The following TNFSF11 variants were observed in gnomAD, a reference collection of about 807,000 sequenced individuals.
The protein encoded by TNFSF11 is TNF superfamily member 11.
A neutral mutation model predicts 32.2 loss-of-function variants in TNFSF11; 12 were observed. That is an observed-to-expected ratio of 0.37 (90% CI 0.24 to 0.60). TNFSF11 has a LOEUF of 0.60. TNFSF11 is among the 20% of genes least tolerant of loss of function. The pLI is 0.66. For missense variants in TNFSF11, 345 were observed against 398.0 expected (o/e 0.87, Z 1.13); for synonymous variants, 172 against 152.1 (o/e 1.13, Z -0.96).
At chr13:42,581,847 C>G (rs911162216) in intron 2 of TNFSF11, among the ~76,000 whole-genome samples, 5 of 152,178 alleles carry the variant, frequency 3.3e-5, no homozygotes. Flanking sequence ...TCTGGGAGAG[C>G]TGAGTGACAA....
At position 42,606,964 on chromosome 13, in the gene TNFSF11, AT is replaced by A. The variant is rs1869495299; in HGVS notation, c.*52del. 8 of 1,612,732 alleles carry A rather than the reference AT, an allele frequency of 5.0e-6. No individual in the cohort carries two copies. The highest frequency in any genetic ancestry group is 6.8e-6 in the Non-Finnish European group (8 of 1,179,536). On this transcript the variant is annotated 3_prime_UTR_variant, in exon 5 of 5. Coordinates refer to ENST00000398795, the MANE Select transcript of TNFSF11 (RefSeq NM_003701.4). The stretch of plus-strand genomic sequence containing the variant: ...ATGTATTTCCTGGATGTTTGGAAAC[AT>A]TTTTTAAAACAAGCCAAGAAAGATG...
At chr13:42,579,582 G>T (rs1184265486) in intron 1 of TNFSF11, among the ~76,000 whole-genome samples, 1 of 152,022 alleles carries the variant, frequency 6.6e-6, no homozygotes, top group Non-Finnish European at 1.5e-5. Flanking sequence ...CAGTTTTCTG[G>T]TGGTGCGTCA....
At chr13:42,563,357 A>G (rs886124319) in intron 1 of TNFSF11, among the ~76,000 whole-genome samples, 4 of 152,230 alleles carry the variant, frequency 2.6e-5, no homozygotes. Flanking sequence ...ACTTTTTATC[A>G]TTTAAGTAAG....
intron 4 of TNFSF11, among the ~76,000 whole-genome samples, chr13:42,601,464 G>A (rs953487111): frequency 1.3e-5 from 2 of 152,056 alleles, no homozygotes; most frequent in African/African-American, 4.8e-5. Flanking sequence ...CCTTCTCCAA[G>A]GGCTTATCAT....
At chr13:42,578,662 AG>A (rs1320912806) in intron 1 of TNFSF11, among the ~76,000 whole-genome samples, 2 of 152,164 alleles carry the variant, frequency 1.3e-5, no homozygotes, top group African/African-American at 4.8e-5. Flanking sequence ...GCACATTGAA[AG>A]TATTTGGGAA....
chr13:42,566,270 T>G (rs780664035), intron 1 of TNFSF11, among the ~76,000 whole-genome samples: 2 of 152,094 alleles, frequency 1.3e-5, no homozygotes, highest in African/African-American at 2.4e-5. Flanking sequence ...GCCATCCTGG[T>G]GAGGAAGCAT....
At chr13:42,591,716 G>A (rs532228392) in intron 2 of TNFSF11, among the ~76,000 whole-genome samples, 11 of 152,280 alleles carry the variant, frequency 7.2e-5, no homozygotes, top group Non-Finnish European at 1.2e-4. Flanking sequence ...GGAGGAAAGC[G>A]AGAGGCTGGG....
intron 1 of TNFSF11, 75 bp from the exon 2 acceptor site, chr13:42,581,051 T>G (rs12721447): frequency 0.013 from 20,395 of 1,544,328 alleles, 238 homozygotes; most frequent in Non-Finnish European, 0.014. Context: ...TTTTTTGTTC[T>G]TAAGTCACAC....
chr13:42,563,191 C>T (rs1385078156), intron 1 of TNFSF11, among the ~76,000 whole-genome samples: 5 of 152,198 alleles, frequency 3.3e-5, no homozygotes, highest in Admixed American at 2.6e-4. Flanking sequence ...ACAGCAGGCT[C>T]CCCTTCCCAT....
At chr13:42,599,560 T>TTTTTTG (rs1386356471) in intron 2 of TNFSF11, among the ~76,000 whole-genome samples, 3 of 152,128 alleles carry the variant, frequency 2.0e-5, no homozygotes, top group East Asian at 1.9e-4. Flanking sequence ...ATCTCTTTTG[T>TTTTTTG]TTTTTGTTTT....
chr13:42,576,859 A>G (rs910343246), intron 1 of TNFSF11, among the ~76,000 whole-genome samples: 1 of 152,244 alleles, frequency 6.6e-6, no homozygotes, highest in Non-Finnish European at 1.5e-5. Context: ...GATTTGCCAT[A>G]CATTGGTAAT....
At chr13:42,604,742 G>T (rs918544166) in intron 4 of TNFSF11, among the ~76,000 whole-genome samples, 1 of 152,140 alleles carries the variant, frequency 6.6e-6, no homozygotes. Context: ...ACCAGACTAG[G>T]CTGGGAAGGT....
chr13:42,571,349 A>G (rs957485929), upstream of TNFSF11, among the ~76,000 whole-genome samples: 2 of 149,046 alleles, frequency 1.3e-5, no homozygotes, highest in Admixed American at 1.3e-4. Flanking sequence ...GGACTATTGG[A>G]GAGTTTTATT....
At chr13:42,603,852 A>C (rs377011055) in intron 4 of TNFSF11, among the ~76,000 whole-genome samples, 13 of 152,376 alleles carry the variant, frequency 8.5e-5, no homozygotes, top group African/African-American at 2.2e-4. Flanking sequence ...AATTACGGGC[A>C]GACTGCCTGT....
At chr13:42,581,401 T>G in intron 2 of TNFSF11, 108 bp downstream of exon 2, 1 of 1,260,680 alleles carries the variant, frequency 7.9e-7, no homozygotes, top group Non-Finnish European at 1.1e-6. Flanking sequence ...ATTCTAATAA[T>G]TTGTAAAAGA....
rs973917545 is a variant in TNFSF11 at position 42,588,431 on chromosome 13, G to A, written c.387+7138G>A. Among the ~76,000 whole-genome samples the A allele has an allele frequency of 2.6e-5, 4 of 152,224 alleles. No homozygotes were observed. The South Asian group carries it at 8.3e-4, about 31-fold the overall frequency. Reference sequence around the variant, plus strand: ...TCTGCATGACATCTTTAAAGAAACAGAGAGCTGGAAGGACATGCTTGAAAG... The same window carrying A: ...TCTGCATGACATCTTTAAAGAAACAAAGAGCTGGAAGGACATGCTTGAAAG... On this transcript the variant is annotated intron_variant, in intron 2 of 4. Coordinates refer to ENST00000398795, the MANE Select transcript of TNFSF11 (RefSeq NM_003701.4).
upstream of TNFSF11, among the ~76,000 whole-genome samples, chr13:42,573,720 T>C (rs1388948488): frequency 6.6e-6 from 1 of 151,288 alleles, no homozygotes; most frequent in Admixed American, 6.6e-5. Context: ...GGGGGAGAGG[T>C]TGGACAGGAA....
intron 2 of TNFSF11, among the ~76,000 whole-genome samples, chr13:42,592,748 G>A (rs1438577890): frequency 6.6e-6 from 1 of 152,138 alleles, no homozygotes; most frequent in East Asian, 1.9e-4. Flanking sequence ...TCAAGGGTGG[G>A]ACCAGGTAGA....
rs780870683 is a variant in TNFSF11 at position 42,606,919 on chromosome 13, G to A, written c.*1G>A. Reference sequence around the variant, plus strand: ...TTTTAAAGTTCGAGATATAGATTGAGCCCCAGTTTTTGGAGTGTTATGTAT... The same window carrying A: ...TTTTAAAGTTCGAGATATAGATTGAACCCCAGTTTTTGGAGTGTTATGTAT... On this transcript the variant is annotated 3_prime_UTR_variant, in exon 5 of 5. Transcript: ENST00000398795. The A allele has an allele frequency of 1.2e-6, 2 of 1,614,156 alleles. No homozygotes were observed. Among genetic ancestry groups the A allele is most frequent in the Non-Finnish European group, 1.7e-6 (2 of 1,180,026 alleles).
Sources: allele counts gnomAD v4.1 joint callset (sites outside exome capture counted in the v4.1 genomes callset), GRCh38; gene constraint gnomAD v4.1.1; transcripts MANE v1.5; gene names NCBI Gene and HGNC (gene_info 2026-07-23, HGNC 2026-07-21).